Variants in LRRN1 observed in about 807,000 individuals in gnomAD.
LRRN1 encodes the protein leucine-rich repeat neuronal protein 1.
LRRN1 carries 14 observed loss-of-function variants against 45.8 expected under a neutral mutation model. That is an observed-to-expected ratio of 0.31 (90% CI 0.20 to 0.48). LRRN1 has a LOEUF of 0.48. Ranked by LOEUF, LRRN1 falls within the 20% of genes least tolerant of loss-of-function variation. The pLI, the probability that LRRN1 is intolerant of heterozygous loss-of-function variation, is 0.99. For synonymous variants in LRRN1, 359 were observed against 330.1 expected, an observed-to-expected ratio of 1.09 and a Z score of -0.95; for missense variants, 789 against 874.2, an observed-to-expected ratio of 0.90 and a Z score of 1.23.
At chr3:3,818,667 A>G (rs968433325) in intron 1 of LRRN1, among the ~76,000 whole-genome samples, 1 of 152,196 alleles carries the variant, frequency 6.6e-6, no homozygotes, top group African/African-American at 2.4e-5. Context: ...GTGACTTTCA[A>G]AACATGGGAG....
chr3:3,833,374 C>T (rs1366841777), intron 1 of LRRN1, among the ~76,000 whole-genome samples: 1 of 152,198 alleles, frequency 6.6e-6, no homozygotes, highest in African/African-American at 2.4e-5. Context: ...TTTCAACTTC[C>T]TGAGCTGCAA....
chr3:3,802,779 T>C (rs997066021), intron 1 of LRRN1, among the ~76,000 whole-genome samples: 7 of 152,252 alleles, frequency 4.6e-5, no homozygotes, highest in African/African-American at 1.7e-4. Flanking sequence ...AGTTGAAGGG[T>C]AACTTAAAAT....
intron 1 of LRRN1, chr3:3,827,462 G>A (rs751459886): frequency 2.8e-5 from 13 of 456,572 alleles, no homozygotes; most frequent in Non-Finnish European, 4.0e-5. Context: ...GCCTCATGGA[G>A]TAGCTACAGG....
intron 1 of LRRN1, among the ~76,000 whole-genome samples, chr3:3,830,044 C>T (rs1693331185): frequency 6.6e-6 from 1 of 152,166 alleles, no homozygotes; most frequent in South Asian, 2.1e-4. Flanking sequence ...TGTTGCTGAG[C>T]CCATGTTTAA....
chr3:3,834,243 G>A (rs1228813372), intron 1 of LRRN1, among the ~76,000 whole-genome samples: 1 of 151,948 alleles, frequency 6.6e-6, no homozygotes, highest in African/African-American at 2.4e-5. Flanking sequence ...AAGGCATTAT[G>A]TATAGAGTCA....
chr3:3,848,238 A>C lies in LRRN1; in HGVS notation c.*1446A>C, dbSNP rs1398101100. On this transcript the variant is annotated 3_prime_UTR_variant, in exon 2 of 2. Transcript: ENST00000319331. Reference sequence around the variant, plus strand: ...AAACAAAACAACTTCCGTACAGTTCAAACTTTTCATCCAAATATATATAGA... The same window carrying C: ...AAACAAAACAACTTCCGTACAGTTCCAACTTTTCATCCAAATATATATAGA... 6.6e-6 allele frequency among the ~76,000 whole-genome samples: 1 copy of C among 152,210 alleles called. No homozygotes were observed. The highest frequency in any genetic ancestry group is 1.5e-5 in the Non-Finnish European group (1 of 68,028).
At chr3:3,808,252 G>A (rs544453436) in intron 1 of LRRN1, among the ~76,000 whole-genome samples, 9 of 152,248 alleles carry the variant, frequency 5.9e-5, no homozygotes, top group African/African-American at 2.2e-4. Context: ...AGTAGCAGTA[G>A]AATAATGATA....
chr3:3,800,176 T>C (rs936907067), intron 1 of LRRN1, among the ~76,000 whole-genome samples: 13 of 144,868 alleles, frequency 9.0e-5, no homozygotes, highest in African/African-American at 3.0e-4. Flanking sequence ...GAGCGATAGT[T>C]GGGAAGGCAG....
At position 3,841,676 on chromosome 3, in the gene LRRN1, G is replaced by A. The variant is rs550187158; in HGVS notation, c.-278-2688G>A. 8.6e-5 allele frequency among the ~76,000 whole-genome samples: 13 copies of A among 151,938 alleles called. No individual in the cohort carries two copies. The East Asian group carries it at 2.0e-3, about 23-fold the overall frequency. On this transcript the variant is annotated intron_variant, in intron 1 of 1. Coordinates refer to ENST00000319331, the MANE Select transcript of LRRN1 (RefSeq NM_020873.7). Reference sequence around the variant, plus strand: ...TGGGATTACAGGCACGTACCACCACGCCTAGCTAATTTTTATATTTTTAGT... The same window carrying A: ...TGGGATTACAGGCACGTACCACCACACCTAGCTAATTTTTATATTTTTAGT...
chr3:3,801,299 T>C (rs983114877), intron 1 of LRRN1: 16 of 152,230 alleles, frequency 1.1e-4, no homozygotes, highest in African/African-American at 3.9e-4. Flanking sequence ...GGAATTCTAA[T>C]TGGGTGAGGG....
In LRRN1 at chr3:3,812,846, C is replaced by T. The variant is rs1692906592; in HGVS notation, c.-279+12927C>T. 2.0e-5 allele frequency among the ~76,000 whole-genome samples: 3 copies of T among 148,880 alleles called. No individual in the cohort carries two copies. The South Asian group carries it at 6.4e-4, about 32-fold the overall frequency. On this transcript the variant is annotated intron_variant, in intron 1 of 1. Coordinates refer to ENST00000319331, the MANE Select transcript of LRRN1 (RefSeq NM_020873.7). ...AAAAAAAAAAAAAGATGTAGCACCACAAGTTTGTGAAGTTTGTGGGAATGG... is the reference window on the plus strand; with the variant it reads ...AAAAAAAAAAAAAGATGTAGCACCATAAGTTTGTGAAGTTTGTGGGAATGG...
Position 3,845,698 on chromosome 3 carries a change from T to C in LRRN1, c.1057T>C (p.Tyr353His), listed in dbSNP as rs1444429390. 2 of 1,614,006 alleles carry C rather than the reference T, an allele frequency of 1.2e-6. No individual in the cohort carries two copies. The highest frequency in any genetic ancestry group is 2.7e-5 in the African/African-American group (2 of 74,902). The change falls in exon 2 of 2, where the codon TAC becomes CAC. Residue 353 changes from tyrosine to histidine, a missense_variant. Physicochemically the swap from Tyr to His is moderately conservative, Grantham distance 83 (BLOSUM62 2). Transcript: ENST00000319331. This position sits in a 1 kb window ranked among gnomAD's most constrained non-coding sequence, Gnocchi z 6.5. ...MLNNNALNAI[Y>H]QKTVESLPNL... ...GAACAACAATGCCTTGAATGCCATT[T>C]ACCAAAAGACAGTCGAATCCCTCCC...
At chr3:3,808,009 A>C (rs1692799490) in intron 1 of LRRN1, among the ~76,000 whole-genome samples, 1 of 152,160 alleles carries the variant, frequency 6.6e-6, no homozygotes, top group South Asian at 2.1e-4. Flanking sequence ...GCAAAACACA[A>C]AATATGTGGG....
At chr3:3,843,107 C>T (rs989431537) in intron 1 of LRRN1, among the ~76,000 whole-genome samples, 2 of 152,210 alleles carry the variant, frequency 1.3e-5, no homozygotes, top group Non-Finnish European at 2.9e-5. Flanking sequence ...TCAGCTACTA[C>T]ACTAAGAACT....
intron 1 of LRRN1, among the ~76,000 whole-genome samples, chr3:3,811,779 A>T (rs1443820507): frequency 2.0e-5 from 3 of 152,234 alleles, no homozygotes; most frequent in African/African-American, 7.2e-5. Context: ...GAAAATGTAC[A>T]TGGTGTTATT....
At chr3:3,804,660 AC>A (rs1174943808) in intron 1 of LRRN1, among the ~76,000 whole-genome samples, 1 of 152,122 alleles carries the variant, frequency 6.6e-6, no homozygotes, top group Non-Finnish European at 1.5e-5. Context: ...TAATTTTCCA[AC>A]CCAGGCTGTC....
rs1693771702 is a variant in LRRN1, at chr3:3,846,168, T to C, written c.1527T>C (p.Thr509=). ...CCCAGAATGTCCAAGGGGCAGACAC[T>C]CGGGTGGCAACAATTAAGGTTAATG... ...CVAQNVQGAD[T]RVATIKVNGT... The change falls in exon 2 of 2, where the codon ACT becomes ACC. Residue 509 remains threonine, a synonymous_variant. Coordinates refer to ENST00000319331, the MANE Select transcript of LRRN1 (RefSeq NM_020873.7). The surrounding 1 kb of genome is among the most constrained non-coding windows in gnomAD (Gnocchi z 5.7). 2.5e-6 allele frequency: 4 copies of C among 1,613,988 alleles called. No homozygotes were observed. The highest frequency in any genetic ancestry group is 3.4e-6 in the Non-Finnish European group (4 of 1,180,034).
intron 1 of LRRN1, among the ~76,000 whole-genome samples, chr3:3,806,733 A>G (rs1692768756): frequency 6.6e-6 from 1 of 152,124 alleles, no homozygotes; most frequent in Non-Finnish European, 1.5e-5. Flanking sequence ...TATTTATCTC[A>G]TTTGACCTAT....
intron 1 of LRRN1, among the ~76,000 whole-genome samples, chr3:3,812,794 T>A (rs1368162329): frequency 6.8e-6 from 1 of 147,674 alleles, no homozygotes; most frequent in Non-Finnish European, 1.5e-5. Context: ...GCTGATTAAC[T>A]TCTCTGAATC....
Sources: allele counts gnomAD v4.1 joint callset (sites outside exome capture counted in the v4.1 genomes callset), GRCh38; gene constraint gnomAD v4.1.1; non-coding constraint Gnocchi (gnomAD v3.1); transcripts MANE v1.5; gene names NCBI Gene and HGNC (gene_info 2026-07-23, HGNC 2026-07-21).